Variants in CFAP47 observed in about 807,000 individuals in gnomAD.
CFAP47 encodes cilia- and flagella-associated protein 47.
CFAP47 carries 29 observed loss-of-function variants against 148.1 expected under a neutral mutation model. The observed-to-expected ratio is 0.20, with a 90% CI of 0.15 to 0.27. The LOEUF (loss-of-function observed/expected upper bound fraction) is 0.27, where lower values mean the gene tolerates loss of function less well. Ranked by LOEUF, CFAP47 falls within the 10% of genes least tolerant of loss-of-function variation. CFAP47 has a pLI of 1.00. For missense variants in CFAP47, 1,872 were observed against 1,697.5 expected (o/e 1.10, Z -1.81); for synonymous variants, 664 against 577.3 (o/e 1.15, Z -2.15).
At chrX:36,079,293 C>T (rs1419515474) in intron 29 of CFAP47, among the ~76,000 whole-genome samples, 2 of 111,950 alleles carry the variant, frequency 1.8e-5, no homozygotes, top group Admixed American at 1.9e-4. Flanking sequence ...TTCCATTCTC[C>T]CCGTCACTTT....
chrX:36,298,838 T>G, intron 51 of CFAP47, 139 bp from the exon 52 acceptor site: 1 of 353,405 alleles, frequency 2.8e-6, no homozygotes, highest in South Asian at 8.3e-5. Context: ...TAGTGAGATA[T>G]ATTCAATAGT....
rs138648551 is a variant in CFAP47, at chrX:36,202,541, C to T, written c.6663+1041C>T. Among the ~76,000 whole-genome samples the T allele has an allele frequency of 1.7e-3, 191 of 111,424 alleles. 2 individuals are homozygous for T. In the East Asian group the frequency reaches 0.048, roughly 28 times the overall value. On this transcript the variant is annotated intron_variant, in intron 44 of 63. Coordinates refer to ENST00000378653, the MANE Select transcript of CFAP47 (RefSeq NM_001304548.2). ...ACTTTCTCTGTTACTTTTCCCTACA[C>T]ATTAGTGGGCTACCTCTCTCAGTTA...
intron 37 of CFAP47, among the ~76,000 whole-genome samples, chrX:36,155,670 G>T (rs1939358220): frequency 9.0e-6 from 1 of 111,392 alleles, no homozygotes; most frequent in Non-Finnish European, 1.9e-5. Flanking sequence ...GACATGTAAA[G>T]GCTCTATGAT....
chrX:36,263,288 A>C (rs1351860869), intron 49 of CFAP47, among the ~76,000 whole-genome samples: 5 of 111,781 alleles, frequency 4.5e-5, no homozygotes, highest in African/African-American at 1.6e-4. Context: ...ATCGTATGTT[A>C]TTTGTTTCTT....
chrX:36,271,645 T>C (rs2146938087), intron 49 of CFAP47, among the ~76,000 whole-genome samples: 1 of 112,112 alleles, frequency 8.9e-6, no homozygotes, highest in Non-Finnish European at 1.9e-5. Context: ...TGCACCAAAA[T>C]AAACTCATGC....
rs1248505617 is a variant in CFAP47, at chrX:36,027,174, A to G, written c.3557-4079A>G. ...TATGATTATATATATGTGATTATATATATATGATTATATATATACACATAA... is the reference window on the plus strand; with the variant it reads ...TATGATTATATATATGTGATTATATGTATATGATTATATATATACACATAA... On this transcript the variant is annotated intron_variant, in intron 22 of 63. Transcript: ENST00000378653. 8.6e-5 allele frequency among the ~76,000 whole-genome samples: 9 copies of G among 105,173 alleles called. 1 individual carries two copies. In the East Asian group the frequency reaches 2.7e-3, roughly 31 times the overall value. The allele number at this position is 105,173 out of a possible 115,157, so 91.3% of individuals were successfully genotyped here.
chrX:36,127,768 T>C lies in CFAP47; in HGVS notation c.5321-10190T>C, dbSNP rs140729899. Among the ~76,000 whole-genome samples, 313 of 111,408 alleles carry C rather than the reference T, an allele frequency of 2.8e-3. 5 individuals are homozygous for C. In the East Asian group the frequency reaches 0.051, roughly 18 times the overall value. On this transcript the variant is annotated intron_variant, in intron 33 of 63. Coordinates refer to ENST00000378653, the MANE Select transcript of CFAP47 (RefSeq NM_001304548.2). The stretch of plus-strand genomic sequence containing the variant: ...TTTGTTTGTGTCCTCTCTTATTTCA[T>C]TGAGCAGTGGTTTGTAGTTCTCCTT...
chrX:36,215,712 G>T (rs782791002), intron 45 of CFAP47, among the ~76,000 whole-genome samples: 8 of 111,660 alleles, frequency 7.2e-5, no homozygotes, highest in Non-Finnish European at 1.3e-4. Context: ...CTTTTGGAAG[G>T]CCGAAAGGTT....
At chrX:36,144,845 C>G in intron 35 of CFAP47, 1 of 1,008,310 alleles carries the variant, frequency 9.9e-7, no homozygotes. Flanking sequence ...CTAGGACTTG[C>G]ACCAGCAGCC....
intron 46 of CFAP47, among the ~76,000 whole-genome samples, chrX:36,229,945 A>C (rs1191799270): frequency 8.6e-5 from 9 of 104,161 alleles, no homozygotes; most frequent in African/African-American, 7.0e-5. Context: ...TGAACTCATC[A>C]TTTTTTATGG....
chrX:36,211,720 A>AGAT (rs1203382925), intron 45 of CFAP47: 9 of 207,407 alleles, frequency 4.3e-5, no homozygotes, highest in African/African-American at 2.7e-4. Flanking sequence ...AAGAAGATGA[A>AGAT]GATGATGATG....
intron 45 of CFAP47, among the ~76,000 whole-genome samples, chrX:36,217,906 A>AT (rs1975222107): frequency 8.9e-6 from 1 of 112,019 alleles, no homozygotes; most frequent in African/African-American, 3.2e-5. Flanking sequence ...GTAAAAAAAA[A>AT]GTGAACTTTT....
chrX:35,921,164 C>T (rs575850825), intron 1 of CFAP47, among the ~76,000 whole-genome samples: 2 of 111,829 alleles, frequency 1.8e-5, no homozygotes, highest in African/African-American at 6.5e-5. Context: ...CAGAAGATCC[C>T]CAGTGCTTCT....
chrX:36,166,948 C>A (rs1939498251), intron 39 of CFAP47, among the ~76,000 whole-genome samples: 2 of 111,557 alleles, frequency 1.8e-5, no homozygotes, highest in African/African-American at 6.5e-5. Context: ...CTGACCACAC[C>A]CTTCTGTTAA....
intron 55 of CFAP47, among the ~76,000 whole-genome samples, chrX:36,307,581 T>C (rs1941361149): frequency 9.0e-6 from 1 of 111,088 alleles, no homozygotes; most frequent in African/African-American, 3.3e-5. Context: ...TAAAATTTTA[T>C]GTAAAATTTT....
chrX:36,152,680 G>A (rs1157630323), intron 37 of CFAP47, among the ~76,000 whole-genome samples: 4 of 111,515 alleles, frequency 3.6e-5, no homozygotes, highest in African/African-American at 1.3e-4. Flanking sequence ...CTTTCTGTGT[G>A]GTTTTCGTCA....
At chrX:35,929,474 G>T (rs1935793131) in intron 2 of CFAP47, among the ~76,000 whole-genome samples, 2 of 111,616 alleles carry the variant, frequency 1.8e-5, no homozygotes, top group South Asian at 7.5e-4. Flanking sequence ...TATATACAGA[G>T]AAGTGATTGA....
chrX:36,174,200 A>C (rs756021292), intron 39 of CFAP47, among the ~76,000 whole-genome samples: 160 of 108,674 alleles, frequency 1.5e-3, no homozygotes, highest in African/African-American at 3.9e-3. Flanking sequence ...GTGTCTCTGC[A>C]TGTGAGATGG....
intron 39 of CFAP47, among the ~76,000 whole-genome samples, chrX:36,169,546 C>T (rs1418337154): frequency 3.6e-5 from 4 of 111,096 alleles, no homozygotes; most frequent in Non-Finnish European, 7.5e-5. Flanking sequence ...ACCAAACCTG[C>T]TGTTGAGCCC....
Sources: gnomAD v4.1 joint callset for allele counts (sites outside exome capture counted in the v4.1 genomes callset) on GRCh38, gnomAD v4.1.1 for gene constraint, MANE v1.5 for transcripts, NCBI Gene and HGNC (gene_info 2026-07-23, HGNC 2026-07-21) for gene names.